SOX5: variants seen among roughly 807,000 people sequenced by gnomAD.
SOX5 encodes SRY-box transcription factor 5.
SOX5 carries 9 observed loss-of-function variants against 92.0 expected under a neutral mutation model. That is an observed-to-expected ratio of 0.10 (90% CI 0.06 to 0.17). The LOEUF is 0.17. Among genes scored for constraint, SOX5 ranks in the 10% least tolerant of loss-of-function variants. The pLI is 1.00. For missense variants in SOX5, 642 were observed against 944.5 expected (o/e 0.68, Z 4.20); for synonymous variants, 344 against 336.3 (o/e 1.02, Z -0.25).
At chr12:24,432,532 C>T (rs1307606320) in intron 1 of SOX5, among the ~76,000 whole-genome samples, 1 of 152,010 alleles carries the variant, frequency 6.6e-6, no homozygotes, top group Non-Finnish European at 1.5e-5. Flanking sequence ...TCCAGGATAT[C>T]AGCTGGGTGC....
intron 1 of SOX5, among the ~76,000 whole-genome samples, chr12:24,475,635 A>G (rs1945282026): frequency 6.6e-6 from 1 of 152,238 alleles, no homozygotes. Context: ...CATAAAGTAC[A>G]GAAATTGATT....
At chr12:24,183,802 C>A (rs767519330) in intron 4 of SOX5, among the ~76,000 whole-genome samples, 2 of 152,114 alleles carry the variant, frequency 1.3e-5, no homozygotes, top group Non-Finnish European at 1.5e-5. Flanking sequence ...GTTCCTGACT[C>A]CACTTCTTTC....
At chr12:23,656,916 T>A (rs1283996303) in intron 7 of SOX5, among the ~76,000 whole-genome samples, 1 of 152,042 alleles carries the variant, frequency 6.6e-6, no homozygotes, top group Non-Finnish European at 1.5e-5. Flanking sequence ...TCTACAATTC[T>A]CCATTGTTTG....
intron 4 of SOX5, among the ~76,000 whole-genome samples, chr12:23,967,467 A>G (rs544577196): frequency 9.3e-6 from 1 of 107,812 alleles, no homozygotes; most frequent in South Asian, 3.3e-4. Context: ...AATTATACAG[A>G]CAATAATGCA....
chr12:24,524,384 T>C (rs368108982), intron 1 of SOX5, among the ~76,000 whole-genome samples: 5 of 125,354 alleles, frequency 4.0e-5, no homozygotes, highest in African/African-American at 8.2e-5. Flanking sequence ...TCTATCTATC[T>C]ATCCATCCAT....
intron 6 of SOX5, among the ~76,000 whole-genome samples, chr12:23,703,349 T>C (rs1462527438): frequency 2.6e-5 from 4 of 152,010 alleles, no homozygotes; most frequent in Admixed American, 6.6e-5. Context: ...TTAATAACCA[T>C]ATGTTAGTGT....
chr12:23,808,856 G>C (rs1418336865), intron 3 of SOX5, among the ~76,000 whole-genome samples: 2 of 152,028 alleles, frequency 1.3e-5, no homozygotes, highest in African/African-American at 2.4e-5. Context: ...CATACCAACA[G>C]TTTCTAATAG....
intron 4 of SOX5, among the ~76,000 whole-genome samples, chr12:24,077,638 C>G (rs1942789813): frequency 6.6e-6 from 1 of 151,584 alleles, no homozygotes; most frequent in Non-Finnish European, 1.5e-5. Flanking sequence ...GGAAAGAAAG[C>G]CACCTTGAAA....
chr12:24,133,681 C>T (rs1361537785), intron 4 of SOX5, among the ~76,000 whole-genome samples: 1 of 152,114 alleles, frequency 6.6e-6, no homozygotes, highest in Non-Finnish European at 1.5e-5. Flanking sequence ...ATGTGACCTT[C>T]ACCCTGCTGT....
At chr12:24,386,497 T>G (rs1040249629) in intron 1 of SOX5, among the ~76,000 whole-genome samples, 1 of 152,160 alleles carries the variant, frequency 6.6e-6, no homozygotes, top group Non-Finnish European at 1.5e-5. Context: ...CATGAAAACA[T>G]CTTATAAATA....
chr12:24,431,597 T>C (rs1466088668), intron 1 of SOX5, among the ~76,000 whole-genome samples: 1 of 152,170 alleles, frequency 6.6e-6, no homozygotes, highest in Non-Finnish European at 1.5e-5. Flanking sequence ...TTAACACAGT[T>C]TAAAGTGTGC....
At chr12:24,470,090 T>C (rs1053115578) in intron 1 of SOX5, among the ~76,000 whole-genome samples, 2 of 152,240 alleles carry the variant, frequency 1.3e-5, no homozygotes, top group Admixed American at 6.5e-5. Context: ...ACGTGAATAA[T>C]CTTAAAGCAT....
In SOX5 at chr12:23,740,789, G is replaced by A. The variant is rs957171477; in HGVS notation, c.741+78C>T. On this transcript the variant is annotated intron_variant, in intron 5 of 14. Transcript: ENST00000451604. ...GGAAGGGACTCTTATTCATTGTTGTGTGCCTAGGACAGTGACCTATAAGTA... is the reference window on the plus strand; with the variant it reads ...GGAAGGGACTCTTATTCATTGTTGTATGCCTAGGACAGTGACCTATAAGTA... The A allele has an allele frequency of 1.6e-5, 18 of 1,152,242 alleles. No individual in the cohort carries two copies. The African/African-American group carries it at 2.0e-4, about 13-fold the overall frequency. The allele number at this position is 1,152,242 out of a possible 1,614,324, so 71.4% of individuals were successfully genotyped here.
At chr12:23,678,277 C>T (rs748791449) in intron 6 of SOX5, among the ~76,000 whole-genome samples, 19 of 152,144 alleles carry the variant, frequency 1.2e-4, no homozygotes, top group Admixed American at 3.3e-4. Context: ...TAGCACATTA[C>T]TTGCAAAAAT....
At chr12:23,789,400 G>A (rs1175787589) in intron 3 of SOX5, among the ~76,000 whole-genome samples, 2 of 152,008 alleles carry the variant, frequency 1.3e-5, no homozygotes, top group Non-Finnish European at 2.9e-5. Flanking sequence ...TGAGAGAATG[G>A]AAATCTTCCT....
chr12:24,053,186 CCTT>C (rs1213966171), intron 4 of SOX5, among the ~76,000 whole-genome samples: 2 of 144,498 alleles, frequency 1.4e-5, no homozygotes, highest in Non-Finnish European at 3.0e-5. Context: ...ACGCCCCCCC[CCTT>C]TTTTTTTTTT....
At chr12:23,672,177 C>T (rs2084897378) in intron 6 of SOX5, among the ~76,000 whole-genome samples, 1 of 152,112 alleles carries the variant, frequency 6.6e-6, no homozygotes, top group Non-Finnish European at 1.5e-5. Flanking sequence ...GCTAACTCTG[C>T]CTCCAGGGCT....
At chr12:24,168,306 C>T (rs1953662913) in intron 4 of SOX5, among the ~76,000 whole-genome samples, 1 of 152,126 alleles carries the variant, frequency 6.6e-6, no homozygotes, top group Non-Finnish European at 1.5e-5. Flanking sequence ...TTTTCTCCTA[C>T]TAAATGTGTG....
At chr12:23,960,954 TTTC>T (rs1310276784) in intron 4 of SOX5, among the ~76,000 whole-genome samples, 4 of 152,090 alleles carry the variant, frequency 2.6e-5, no homozygotes, top group Non-Finnish European at 4.4e-5. Flanking sequence ...TTTTGTATTT[TTTC>T]TTTACTTTGA....
Sources: allele counts gnomAD v4.1 joint callset (sites outside exome capture counted in the v4.1 genomes callset), GRCh38; gene constraint gnomAD v4.1.1; transcripts MANE v1.5; gene names NCBI Gene and HGNC (gene_info 2026-07-23, HGNC 2026-07-21).